PBX1: variants seen among roughly 807,000 people sequenced by gnomAD.
The protein encoded by PBX1 is PBX homeobox 1.
A neutral mutation model predicts 53.4 loss-of-function variants in PBX1; 6 were observed. The observed-to-expected ratio is 0.11, with a 90% CI of 0.06 to 0.22. PBX1 has a LOEUF of 0.22. Among genes scored for constraint, PBX1 ranks in the 10% least tolerant of loss-of-function variants. The probability of loss-of-function intolerance (pLI) is 1.00; values close to 1 mark genes in which losing one functional copy is unlikely to be tolerated. For synonymous variants in PBX1, 204 were observed against 212.3 expected, an observed-to-expected ratio of 0.96 and a Z score of 0.34; for missense variants, 251 against 551.4, an observed-to-expected ratio of 0.46 and a Z score of 5.46.
chr1:164,650,761 C>T (rs575685297), intron 2 of PBX1, among the ~76,000 whole-genome samples: 13 of 151,906 alleles, frequency 8.6e-5, no homozygotes, highest in Non-Finnish European at 1.9e-4. Context: ...GCTGCTCTGC[C>T]GTCTAGTACA....
At chr1:164,587,382 CT>C (rs1282840613) in intron 2 of PBX1, among the ~76,000 whole-genome samples, 2 of 152,128 alleles carry the variant, frequency 1.3e-5, no homozygotes, top group Non-Finnish European at 2.9e-5. Flanking sequence ...TGTCTCATCT[CT>C]AAGTGAAGGG....
chr1:164,708,591 A>G (rs2102067346), intron 2 of PBX1, among the ~76,000 whole-genome samples: 1 of 152,184 alleles, frequency 6.6e-6, no homozygotes, highest in Non-Finnish European at 1.5e-5. Flanking sequence ...TATTGTTGCC[A>G]TCTTTACGTT....
At chr1:164,591,495 T>G (rs1655378616) in intron 2 of PBX1, among the ~76,000 whole-genome samples, 1 of 152,098 alleles carries the variant, frequency 6.6e-6, no homozygotes, top group African/African-American at 2.4e-5. Flanking sequence ...CACAAACGGG[T>G]TCATGTGAAT....
chr1:164,590,687 G>T (rs187403926), intron 2 of PBX1, among the ~76,000 whole-genome samples: 11 of 152,188 alleles, frequency 7.2e-5, no homozygotes, highest in African/African-American at 2.6e-4. Context: ...GAGCAATTGG[G>T]AGTTTAGTCT....
chr1:164,565,892 T>C (rs528410879), intron 2 of PBX1, among the ~76,000 whole-genome samples: 1 of 152,214 alleles, frequency 6.6e-6, no homozygotes, highest in Admixed American at 6.5e-5. Context: ...ATGAGTATTT[T>C]TGAGTTTCCA....
At chr1:164,645,660 G>C (rs1238620956) in intron 2 of PBX1, among the ~76,000 whole-genome samples, 1 of 152,130 alleles carries the variant, frequency 6.6e-6, no homozygotes, top group Non-Finnish European at 1.5e-5. Flanking sequence ...TTTGAAAATA[G>C]TTGAGGGCCC....
chr1:164,559,857 CTGGGGT>C lies in PBX1; in HGVS notation c.36_41del (p.Val14_Gly15del). 1 of 1,549,882 alleles carries C rather than the reference CTGGGGT, an allele frequency of 6.5e-7. No homozygotes were observed. Among genetic ancestry groups the C allele is most frequent in the Non-Finnish European group, 8.7e-7 (1 of 1,146,606 alleles). The stretch of plus-strand genomic sequence containing the variant: ...CAGCCCAGGCTGATGCATTCCCATG[CTGGGGT>C]CGGGATGGCCGGACACCCCGGCCTG... On this transcript the variant is annotated inframe_deletion, in exon 1 of 9. Coordinates refer to ENST00000420696, the MANE Select transcript of PBX1 (RefSeq NM_002585.4).
intron 2 of PBX1, among the ~76,000 whole-genome samples, chr1:164,726,136 A>G (rs1260389133): frequency 1.3e-5 from 2 of 152,246 alleles, no homozygotes; most frequent in African/African-American, 4.8e-5. Flanking sequence ...ATTTGTAGCT[A>G]TAGTGGAATG....
chr1:164,769,649 T>C (rs2102242055), intron 2 of PBX1, among the ~76,000 whole-genome samples: 1 of 152,330 alleles, frequency 6.6e-6, no homozygotes, highest in South Asian at 2.1e-4. Flanking sequence ...ATGGCAAATG[T>C]GGACCTTGAG....
At chr1:164,625,853 C>A in intron 2 of PBX1, 3 of 727,980 alleles carry the variant, frequency 4.1e-6, no homozygotes, top group Non-Finnish European at 3.4e-6. Context: ...TGAATTATCC[C>A]ATTCCCCCAC....
chr1:164,703,844 G>A (rs1411400380), intron 2 of PBX1, among the ~76,000 whole-genome samples: 2 of 152,134 alleles, frequency 1.3e-5, no homozygotes, highest in African/African-American at 4.8e-5. Context: ...TTGCACCCAT[G>A]AGAACCGAAC....
chr1:164,867,045 G>A (rs545746868), intron 2 of PBX1, among the ~76,000 whole-genome samples: 1 of 152,324 alleles, frequency 6.6e-6, no homozygotes, highest in Admixed American at 6.5e-5. Context: ...CAGAAAAAGA[G>A]TCCACAGTGG....
At chr1:164,882,207 T>G (rs1672676503) in intron 2 of PBX1, among the ~76,000 whole-genome samples, 1 of 152,128 alleles carries the variant, frequency 6.6e-6, no homozygotes, top group Admixed American at 6.5e-5. Context: ...GCTCCAGGGC[T>G]GGAGCCTAGG....
intron 2 of PBX1, among the ~76,000 whole-genome samples, chr1:164,724,453 CT>C (rs1664575866): frequency 6.6e-6 from 1 of 152,076 alleles, no homozygotes; most frequent in Admixed American, 6.5e-5. Flanking sequence ...TACACTAACA[CT>C]AACAATAGCT....
chr1:164,741,739 AGTGT>A (rs57771496), intron 2 of PBX1, among the ~76,000 whole-genome samples: 1,557 of 140,894 alleles, frequency 0.011, 11 homozygotes, highest in South Asian at 0.035. Context: ...TGTATGAGTG[AGTGT>A]GTGTGTGTGT....
intron 2 of PBX1, among the ~76,000 whole-genome samples, chr1:164,623,295 C>CGT (rs1557898053): frequency 6.6e-6 from 1 of 152,180 alleles, no homozygotes. Context: ...AATCGAAGAA[C>CGT]GTCACCCCCA....
At chr1:164,834,346 CTTT>C (rs56872086) in intron 8 of PBX1, among the ~76,000 whole-genome samples, 7 of 137,044 alleles carry the variant, frequency 5.1e-5, no homozygotes, top group Non-Finnish European at 4.7e-5. Flanking sequence ...ATTTTTCTTT[CTTT>C]TTTTTTTTTT....
rs193103014 is a variant in PBX1 at position 164,837,283 on chromosome 1, G to A, written c.1201-9301G>A. ...TCAAAGGTTATAAAAATGAAATGACGAATTCAGGGCTGTATAGGTTCAGCC... is the reference window on the plus strand; with the variant it reads ...TCAAAGGTTATAAAAATGAAATGACAAATTCAGGGCTGTATAGGTTCAGCC... On this transcript the variant is annotated intron_variant, in intron 8 of 8. Coordinates refer to ENST00000420696, the MANE Select transcript of PBX1 (RefSeq NM_002585.4). Among the ~76,000 whole-genome samples, 7 of 152,226 alleles carry A rather than the reference G, an allele frequency of 4.6e-5. No homozygotes were observed. In the East Asian group the frequency reaches 5.8e-4, roughly 13 times the overall value.
At chr1:164,687,677 A>G (rs1470855698) in intron 2 of PBX1, among the ~76,000 whole-genome samples, 3 of 152,012 alleles carry the variant, frequency 2.0e-5, no homozygotes, top group Non-Finnish European at 4.4e-5. Flanking sequence ...CTCGTTGCAC[A>G]TCTGAATGAA....
Sources: gnomAD v4.1 joint callset for allele counts (sites outside exome capture counted in the v4.1 genomes callset) on GRCh38, gnomAD v4.1.1 for gene constraint, MANE v1.5 for transcripts, NCBI Gene and HGNC (gene_info 2026-07-23, HGNC 2026-07-21) for gene names.